Variants in PTGIR observed in about 807,000 individuals in gnomAD.
PTGIR encodes prostacyclin receptor.
In PTGIR, 16 loss-of-function variants were observed where a neutral mutation model predicts 17.6. The observed-to-expected ratio is 0.91, with a 90% CI of 0.61 to 1.38. The LOEUF (loss-of-function observed/expected upper bound fraction) is 1.38, where lower values mean the gene tolerates loss of function less well. PTGIR is among the 40% of genes most tolerant of loss of function. The pLI, the probability that PTGIR is intolerant of heterozygous loss-of-function variation, is 0.00. For synonymous variants in PTGIR, 274 were observed against 255.4 expected (o/e 1.07, Z -0.69); for missense variants, 532 against 548.6 (o/e 0.97, Z 0.30).
the PTGIR span, among the ~76,000 whole-genome samples, chr19:46,613,365 C>CCG: frequency 0.014 from 1,945 of 136,300 alleles, 68 homozygotes; most frequent in African/African-American, 0.05. Flanking sequence ...CATGCCCCCC[C>CCG]TTCCCCCCCA....
At position 46,623,476 on chromosome 19, in the gene PTGIR, C is replaced by A. The variant is rs1484734955; in HGVS notation, c.750G>T (p.Val250=). The change falls in exon 2 of 3, where the codon GTG becomes GTT. Residue 250 remains valine, a synonymous_variant. Coordinates refer to ENST00000291294, the MANE Select transcript of PTGIR (RefSeq NM_000960.4). Reference sequence around the variant, plus strand: ...GACTCACCGTGAGAGGCAGGGAGCACACGGCCATGACCACTGTCATGAGGG... The same window carrying A: ...GACTCACCGTGAGAGGCAGGGAGCAAACGGCCATGACCACTGTCATGAGGG... ...LLALMTVVMA[V]CSLPLTIRCF... 6.4e-7 allele frequency: 1 copy of A among 1,569,276 alleles called. No homozygotes were observed. The highest frequency in any genetic ancestry group is 1.2e-5 in the South Asian group (1 of 85,158).
downstream of PTGIR, among the ~76,000 whole-genome samples, chr19:46,619,655 A>AAGAG (rs1972029336): frequency 1.6e-5 from 1 of 62,438 alleles, no homozygotes; most frequent in African/African-American, 6.7e-5. Flanking sequence ...GAAAGAAAGA[A>AAGAG]AAGAAAGAAA....
chr19:46,620,389 A>G (rs1329040383), downstream of PTGIR: 5 of 972,474 alleles, frequency 5.1e-6, no homozygotes, highest in Non-Finnish European at 6.1e-6. Context: ...GGCATGTGCT[A>G]TGGTGCCCAG....
chr19:46,613,887 C>T, the PTGIR span, among the ~76,000 whole-genome samples: 2 of 152,212 alleles, frequency 1.3e-5, no homozygotes, highest in Non-Finnish European at 2.9e-5. Context: ...CACCGCATCC[C>T]GGTACCCATG....
chr19:46,621,393 A>G lies in PTGIR; in HGVS notation c.1048T>C (p.Ser350Pro), dbSNP rs767486957. ...VGKEGSCVPL[S>P]AWGEGQVEPL... is the part of the protein sequence containing the mutation. ...TCCACCTGCCCCTCGCCCCAAGCCGACAAAGGCACGCAGCTCCCCTCCTTT... is the reference window on the plus strand; with the variant it reads ...TCCACCTGCCCCTCGCCCCAAGCCGGCAAAGGCACGCAGCTCCCCTCCTTT... Residue 350 changes from serine (S) to proline (P), a missense_variant, in exon 3 of 3, where the codon TCG becomes CCG. By Grantham distance (74) the Ser-to-Pro change is moderately conservative. Coordinates refer to ENST00000291294, the MANE Select transcript of PTGIR (RefSeq NM_000960.4). The surrounding 1 kb of genome is among the most constrained non-coding windows in gnomAD (Gnocchi z 4.8). 8 of 1,596,882 alleles carry G rather than the reference A, an allele frequency of 5.0e-6. No homozygotes were observed. In the African/African-American group the frequency reaches 8.1e-5, roughly 16 times the overall value.
rs201796059 is a variant in PTGIR, at chr19:46,621,399, G to T, written c.1042C>A (p.Pro348Thr). 3.1e-6 allele frequency: 5 copies of T among 1,600,786 alleles called. No homozygotes were observed. In the African/African-American group the frequency reaches 6.7e-5, roughly 21 times the overall value. ...APVGKEGSCV[P>T]LSAWGEGQVE... ...TGCCCCTCGCCCCAAGCCGACAAAG[G>T]CACGCAGCTCCCCTCCTTTCCCACA... Residue 348 changes from proline to threonine, a missense_variant, in exon 3 of 3, where the codon CCT (proline) becomes ACT (threonine). Pro to Thr is a conservative substitution (Grantham distance 38). Transcript: ENST00000291294. The surrounding 1 kb of genome is among the most constrained non-coding windows in gnomAD (Gnocchi z 4.8).
At position 46,621,763 on chromosome 19, in the gene PTGIR, G is replaced by C. The variant is rs932309920; in HGVS notation, c.769-91C>G. 6 of 1,497,098 alleles carry C rather than the reference G, an allele frequency of 4.0e-6. No homozygotes were observed. In the African/African-American group the frequency reaches 8.4e-5, roughly 21 times the overall value. The allele number at this position is 1,497,098 out of a possible 1,614,324, so 92.7% of individuals were successfully genotyped here. On this transcript the variant is annotated intron_variant, in intron 2 of 2. Transcript: ENST00000291294. The surrounding 1 kb of genome is among the most constrained non-coding windows in gnomAD (Gnocchi z 4.8). ...CCTCCCACTTGCTTACCAGGGATGA[G>C]GTAGGGGTGACATGTCAGAGGGGAA...
chr19:46,611,152 A>G, the PTGIR span, among the ~76,000 whole-genome samples: 1 of 152,056 alleles, frequency 6.6e-6, no homozygotes, highest in East Asian at 1.9e-4. Flanking sequence ...GCAGTCCCCT[A>G]GCCGGGTAGG....
At chr19:46,619,167 A>G (rs922945359), downstream of PTGIR, among the ~76,000 whole-genome samples, 5 of 152,094 alleles carry the variant, frequency 3.3e-5, no homozygotes, top group Non-Finnish European at 2.9e-5. Flanking sequence ...CAGGTGGATT[A>G]TCATCTCTGG....
the PTGIR span, among the ~76,000 whole-genome samples, chr19:46,613,027 C>CTTTTT: frequency 2.4e-4 from 18 of 74,240 alleles, no homozygotes; most frequent in Non-Finnish European, 3.2e-4. Flanking sequence ...TTGTGCCAAA[C>CTTTTT]TTTTTTTTTT....
chr19:46,615,847 G>T (rs1460240135), downstream of PTGIR, among the ~76,000 whole-genome samples: 6 of 151,540 alleles, frequency 4.0e-5, no homozygotes, highest in Non-Finnish European at 8.8e-5. Context: ...TGTCGCCCAG[G>T]CTGGAGTGCA....
Position 46,620,702 on chromosome 19 carries a change from C to T in PTGIR, c.*578G>A. On this transcript the variant is annotated 3_prime_UTR_variant, in exon 3 of 3. Coordinates refer to ENST00000291294, the MANE Select transcript of PTGIR (RefSeq NM_000960.4). ...AGCACATGTCCTACGTCATCACCCA[C>T]AATGCAGCAGCCTCCCCTTCCTCCC... 2.0e-6 allele frequency: 2 copies of T among 985,986 alleles called. No individual in the cohort carries two copies. Among genetic ancestry groups the T allele is most frequent in the Non-Finnish European group, 2.4e-6 (2 of 829,990 alleles). 61.1% of individuals were successfully genotyped at this position (985,986 alleles called of 1,614,324 possible).
chr19:46,619,519 AAG>A (rs1394204789), downstream of PTGIR, among the ~76,000 whole-genome samples: 2 of 48,714 alleles, frequency 4.1e-5, no homozygotes, highest in Non-Finnish European at 8.0e-5. Flanking sequence ...GAAAGAAAGA[AAG>A]AAAGAAAGAA....
the PTGIR span, among the ~76,000 whole-genome samples, chr19:46,615,117 A>C: frequency 1.3e-5 from 2 of 152,050 alleles, no homozygotes; most frequent in Non-Finnish European, 2.9e-5. Context: ...TGAACCCGGG[A>C]GGTGGAGGTT....
At chr19:46,622,164 C>T in intron 2 of PTGIR, 1 of 985,240 alleles carries the variant, frequency 1.0e-6, no homozygotes, top group Non-Finnish European at 1.2e-6. Flanking sequence ...GTGGCACGAC[C>T]AGGTGTCACA....
chr19:46,621,314 T>C lies in PTGIR; in HGVS notation c.1127A>G (p.Lys376Arg). Reference sequence around the variant, plus strand: ...GGAGCAGGCGACGCTGGCTTCTGCTTTGGACGACGTTCCCACGGCGCTGCC... The same window carrying C: ...GGAGCAGGCGACGCTGGCTTCTGCTCTGGACGACGTTCCCACGGCGCTGCC... ...SSGSAVGTSS[K>R]AEASVACSLC The change falls in exon 3 of 3, where the codon AAA (lysine) becomes AGA (arginine). Residue 376 changes from lysine (K) to arginine (R), a missense_variant. Physicochemically the swap from Lys to Arg is conservative, Grantham distance 26. Transcript: ENST00000291294. The surrounding 1 kb of genome is among the most constrained non-coding windows in gnomAD (Gnocchi z 4.8). The C allele has an allele frequency of 6.6e-7, 1 of 1,519,624 alleles. No individual in the cohort carries two copies. The highest frequency in any genetic ancestry group is 8.8e-7 in the Non-Finnish European group (1 of 1,133,550). 94.1% of individuals were successfully genotyped at this position (1,519,624 alleles called of 1,614,324 possible).
rs1357389491 is a variant in PTGIR, at chr19:46,621,706, A to G, written c.769-34T>C. On this transcript the variant is annotated intron_variant, in intron 2 of 2. Coordinates refer to ENST00000291294, the MANE Select transcript of PTGIR (RefSeq NM_000960.4). This position sits in a 1 kb window ranked among gnomAD's most constrained non-coding sequence, Gnocchi z 4.8. ...AGGGTGAGGGCGTCAAGGAGCACCCAGGAGTCCTCAGCCTCCCCACCCTGG... is the reference window on the plus strand; with the variant it reads ...AGGGTGAGGGCGTCAAGGAGCACCCGGGAGTCCTCAGCCTCCCCACCCTGG... 3 of 1,581,010 alleles carry G rather than the reference A, an allele frequency of 1.9e-6. No individual in the cohort carries two copies. Among genetic ancestry groups the G allele is most frequent in the East Asian group, 4.5e-5 (2 of 44,470 alleles).
In PTGIR at chr19:46,621,938, T is replaced by C; in HGVS notation, c.769-266A>G. 4.0e-6 allele frequency: 5 copies of C among 1,258,162 alleles called. No homozygotes were observed. The highest frequency in any genetic ancestry group is 4.0e-6 in the Non-Finnish European group (4 of 1,000,136). 77.9% of individuals were successfully genotyped at this position (1,258,162 alleles called of 1,614,324 possible). The stretch of plus-strand genomic sequence containing the variant: ...TTGGAAGCTGGGAGGACCCTCGGGC[T>C]CCACAGATTTTTGAGTATAACGTCC... On this transcript the variant is annotated intron_variant, in intron 2 of 2. Coordinates refer to ENST00000291294, the MANE Select transcript of PTGIR (RefSeq NM_000960.4). The surrounding 1 kb of genome is among the most constrained non-coding windows in gnomAD (Gnocchi z 4.8).
rs1000768786 is a variant in PTGIR, at chr19:46,621,601, G to A, written c.840C>T (p.Phe280=). 3.1e-6 allele frequency: 5 copies of A among 1,613,644 alleles called. No homozygotes were observed. The highest frequency in any genetic ancestry group is 1.3e-5 in the African/African-American group (1 of 74,960). The change falls in exon 3 of 3, where the codon TTC becomes TTT. Residue 280 remains phenylalanine (F), a synonymous_variant. Coordinates refer to ENST00000291294, the MANE Select transcript of PTGIR (RefSeq NM_000960.4). The surrounding 1 kb of genome is among the most constrained non-coding windows in gnomAD (Gnocchi z 4.8). The part of the protein sequence containing the change: ...SEMGDLLAFR[F]YAFNPILDPW... ...GGTCCAGGATGGGGTTGAAGGCGTAGAAGCGGAAGGCAAGGAGGTCCCCCA... is the reference window on the plus strand; with the variant it reads ...GGTCCAGGATGGGGTTGAAGGCGTAAAAGCGGAAGGCAAGGAGGTCCCCCA...
Sources: allele counts gnomAD v4.1 joint callset (sites outside exome capture counted in the v4.1 genomes callset), GRCh38; gene constraint gnomAD v4.1.1; non-coding constraint Gnocchi (gnomAD v3.1); transcripts MANE v1.5; gene names NCBI Gene and HGNC (gene_info 2026-07-23, HGNC 2026-07-21).